BMERB1: variants seen among roughly 807,000 people sequenced by gnomAD.
BMERB1 encodes bMERB domain-containing protein 1.
Under a neutral mutation model 23.6 loss-of-function variants are expected in BMERB1, and 12 were observed. The observed-to-expected ratio is 0.51, with a 90% CI of 0.33 to 0.82. The LOEUF (loss-of-function observed/expected upper bound fraction) is 0.82, where lower values mean the gene tolerates loss of function less well. Ranked by LOEUF, BMERB1 falls within the 40% of genes least tolerant of loss-of-function variation. The probability of loss-of-function intolerance (pLI) is 0.03; values close to 1 mark genes in which losing one functional copy is unlikely to be tolerated. For missense variants in BMERB1, 247 were observed against 255.4 expected (o/e 0.97, Z 0.22); for synonymous variants, 122 against 96.6 (o/e 1.26, Z -1.54).
intron 1 of BMERB1, among the ~76,000 whole-genome samples, chr16:15,490,414 C>A (rs145071404): frequency 1.2e-3 from 178 of 152,316 alleles, no homozygotes; most frequent in Admixed American, 2.4e-3. Context: ...TTCTGAGTAG[C>A]TGGGACCACT....
chr16:15,459,544 A>G (rs2051118105), intron 1 of BMERB1, among the ~76,000 whole-genome samples: 1 of 152,220 alleles, frequency 6.6e-6, no homozygotes, highest in Admixed American at 6.5e-5. Context: ...GGGACATTTT[A>G]TAGTGATAAA....
intron 1 of BMERB1, among the ~76,000 whole-genome samples, chr16:15,457,440 T>C (rs1056128279): frequency 6.6e-6 from 1 of 152,184 alleles, no homozygotes; most frequent in Admixed American, 6.5e-5. Context: ...CTCATGAATC[T>C]TCCAAATAAT....
At chr16:15,498,020 A>G (rs965129012) in intron 1 of BMERB1, among the ~76,000 whole-genome samples, 1 of 152,148 alleles carries the variant, frequency 6.6e-6, no homozygotes, top group Non-Finnish European at 1.5e-5. Context: ...CTTAACCTCC[A>G]TACCAACCCT....
At chr16:15,451,283 C>A (rs573212706) in intron 1 of BMERB1, among the ~76,000 whole-genome samples, 1 of 152,036 alleles carries the variant, frequency 6.6e-6, no homozygotes, top group Non-Finnish European at 1.5e-5. Flanking sequence ...CCCTACCTTC[C>A]GTGTTCAAAC....
At chr16:15,463,685 A>G (rs1177938774) in intron 1 of BMERB1, among the ~76,000 whole-genome samples, 1 of 152,072 alleles carries the variant, frequency 6.6e-6, no homozygotes, top group Non-Finnish European at 1.5e-5. Flanking sequence ...TCCCCAAAAG[A>G]TGTCACTTTG....
intron 5 of BMERB1, among the ~76,000 whole-genome samples, chr16:15,583,842 G>A (rs551014565): frequency 6.6e-6 from 1 of 152,280 alleles, no homozygotes; most frequent in African/African-American, 2.4e-5. Flanking sequence ...TCTAGAAATT[G>A]TTAATACGTT....
intron 1 of BMERB1, among the ~76,000 whole-genome samples, chr16:15,450,688 C>G (rs2051034398): frequency 6.6e-6 from 1 of 152,164 alleles, no homozygotes; most frequent in African/African-American, 2.4e-5. Flanking sequence ...TGAGGCTGAT[C>G]TCGAACTCCT....
intron 2 of BMERB1, among the ~76,000 whole-genome samples, chr16:15,557,656 A>C (rs559105098): frequency 6.6e-6 from 1 of 152,216 alleles, no homozygotes; most frequent in Non-Finnish European, 1.5e-5. Context: ...TGGGACTGAG[A>C]GGTTTCCAAG....
chr16:15,439,155 A>G (rs1169005689), intron 1 of BMERB1, among the ~76,000 whole-genome samples: 1 of 152,190 alleles, frequency 6.6e-6, no homozygotes, highest in African/African-American at 2.4e-5. Flanking sequence ...TAGATAAAAG[A>G]TATGTAATGT....
At chr16:15,512,202 G>C (rs1271131788) in intron 1 of BMERB1, among the ~76,000 whole-genome samples, 1 of 152,034 alleles carries the variant, frequency 6.6e-6, no homozygotes, top group Admixed American at 6.6e-5. Flanking sequence ...TCACGGGGTA[G>C]GTAATGGAAA....
intron 3 of BMERB1, among the ~76,000 whole-genome samples, chr16:15,568,407 A>G (rs1041242298): frequency 6.6e-6 from 1 of 152,122 alleles, no homozygotes; most frequent in South Asian, 2.1e-4. Context: ...GGAGGCTGAG[A>G]TGGGTGGCTT....
chr16:15,455,523 T>A (rs908971659), intron 1 of BMERB1, among the ~76,000 whole-genome samples: 6 of 151,894 alleles, frequency 4.0e-5, no homozygotes, highest in African/African-American at 1.4e-4. Flanking sequence ...TGCAGTGGCA[T>A]GATCTTGGCT....
chr16:15,541,687 C>T (rs1378243596), intron 2 of BMERB1, among the ~76,000 whole-genome samples: 3 of 150,288 alleles, frequency 2.0e-5, no homozygotes, highest in East Asian at 2.0e-4. Flanking sequence ...CTGCAAGCTC[C>T]GCCTCCCAGG....
chr16:15,552,469 A>G (rs2030121342), intron 2 of BMERB1, among the ~76,000 whole-genome samples: 1 of 152,088 alleles, frequency 6.6e-6, no homozygotes, highest in Admixed American at 6.6e-5. Flanking sequence ...AGAAGAAGAA[A>G]TGAACTCACA....
chr16:15,510,097 T>C (rs907570291), intron 1 of BMERB1, among the ~76,000 whole-genome samples: 1 of 152,146 alleles, frequency 6.6e-6, no homozygotes, highest in Non-Finnish European at 1.5e-5. Flanking sequence ...CAAGAAAAGA[T>C]CCATCCCTAG....
chr16:15,532,619 C>T (rs1427451713), intron 2 of BMERB1, among the ~76,000 whole-genome samples: 2 of 146,458 alleles, frequency 1.4e-5, no homozygotes, highest in African/African-American at 5.1e-5. Flanking sequence ...GATCTCGGCT[C>T]ACTGCAAGCT....
At chr16:15,493,544 G>C (rs2051442722) in intron 1 of BMERB1, among the ~76,000 whole-genome samples, 1 of 151,976 alleles carries the variant, frequency 6.6e-6, no homozygotes, top group South Asian at 2.1e-4. Flanking sequence ...CTCCCTTCTG[G>C]TGTGGATTTT....
chr16:15,435,360 C>G (rs898647169), intron 1 of BMERB1, among the ~76,000 whole-genome samples: 3 of 152,222 alleles, frequency 2.0e-5, no homozygotes, highest in Admixed American at 2.0e-4. Flanking sequence ...TGCTTGGGCA[C>G]AACTCTAGAA....
rs1052735387 is a variant in BMERB1, at chr16:15,515,439, T to G, written c.230+11T>G. 6.2e-7 allele frequency: 1 copy of G among 1,612,164 alleles called. No homozygotes were observed. Among genetic ancestry groups the G allele is most frequent in the Non-Finnish European group, 8.5e-7 (1 of 1,179,128 alleles). On this transcript the variant is annotated intron_variant, in intron 2 of 5. Coordinates refer to ENST00000300006, the MANE Select transcript of BMERB1 (RefSeq NM_033201.3). ...TGAGCTCAGGTTCATGTGAGTGTTT[T>G]GGGGATGTGGCCAAGGAAAGAAGTG... is the stretch of plus-strand genomic sequence containing the variant.
Sources: gnomAD v4.1 joint callset for allele counts (sites outside exome capture counted in the v4.1 genomes callset) on GRCh38, gnomAD v4.1.1 for gene constraint, MANE v1.5 for transcripts, NCBI Gene and HGNC (gene_info 2026-07-23, HGNC 2026-07-21) for gene names.